The following PCCA variants were observed in gnomAD, a reference collection of about 807,000 sequenced individuals.
The protein encoded by PCCA is propionyl-CoA carboxylase alpha chain, mitochondrial.
Under a neutral mutation model 101.3 loss-of-function variants are expected in PCCA, and 74 were observed. The ratio of observed to expected loss-of-function variants is 0.73; its 90% CI spans 0.61 to 0.89. The LOEUF is 0.89. Ranked by LOEUF, PCCA falls within the 40% of genes least tolerant of loss-of-function variation. The probability of loss-of-function intolerance (pLI) is 0.00; values close to 1 mark genes in which losing one functional copy is unlikely to be tolerated. For missense variants in PCCA, 891 were observed against 907.0 expected (o/e 0.98, Z 0.23); for synonymous variants, 294 against 313.6 (o/e 0.94, Z 0.66).
rs777777952 is a variant in PCCA at position 100,273,292 on chromosome 13, C to T, written c.1011C>T (p.Phe337=). The T allele has an allele frequency of 6.2e-7, 1 of 1,612,270 alleles. No individual in the cohort carries two copies. The highest frequency in any genetic ancestry group is 1.1e-5 in the South Asian group (1 of 91,042). Residue 337 remains phenylalanine, a synonymous_variant, in exon 12 of 24, where the codon TTC becomes TTT. Coordinates refer to ENST00000376285, the MANE Select transcript of PCCA (RefSeq NM_000282.4). ...ATTCCTCTGCTGGGACCGTGGAGTTCCTTGTGGACTCTAAGAAGAATTTTT... is the reference window on the plus strand; with the variant it reads ...ATTCCTCTGCTGGGACCGTGGAGTTTCTTGTGGACTCTAAGAAGAATTTTT... ...VKYSSAGTVE[F]LVDSKKNFYF...
intron 12 of PCCA, among the ~76,000 whole-genome samples, chr13:100,287,059 C>T (rs964960474): frequency 1.3e-5 from 2 of 151,970 alleles, no homozygotes; most frequent in Non-Finnish European, 2.9e-5. Context: ...TTTTATTTTC[C>T]AATGGCTACC....
At chr13:100,201,857 CAAAAAAAAAAAAAA>C (rs55669622) in intron 6 of PCCA, among the ~76,000 whole-genome samples, 1 of 60,744 alleles carries the variant, frequency 1.6e-5, no homozygotes, top group Admixed American at 2.8e-4. Flanking sequence ...AACTGCGTCT[CAAAAAAAAAAAAAA>C]AAAAAAAAAA....
At chr13:100,110,226 C>T (rs2048187181) in intron 2 of PCCA, among the ~76,000 whole-genome samples, 1 of 152,182 alleles carries the variant, frequency 6.6e-6, no homozygotes, top group Non-Finnish European at 1.5e-5. Flanking sequence ...AGAAATATAA[C>T]TGACACTTTT....
At chr13:100,469,211 C>CAAAAAAAAAACAAAAAAAAAAAA (rs2082776393) in intron 21 of PCCA, among the ~76,000 whole-genome samples, 1 of 65,064 alleles carries the variant, frequency 1.5e-5, no homozygotes, top group Non-Finnish European at 3.0e-5. Context: ...AACTCCGTCT[C>CAAAAAAAAAACAAAAAAAAAAAA]AAAAAAAAAA....
At chr13:100,481,552 T>G (rs2083933406) in intron 21 of PCCA, among the ~76,000 whole-genome samples, 2 of 152,026 alleles carry the variant, frequency 1.3e-5, no homozygotes, top group African/African-American at 4.8e-5. Context: ...AGCCAGCCTC[T>G]GTCTCAAAAA....
At chr13:100,386,933 TA>T (rs534194687) in intron 19 of PCCA, among the ~76,000 whole-genome samples, 1 of 152,094 alleles carries the variant, frequency 6.6e-6, no homozygotes, top group Non-Finnish European at 1.5e-5. Context: ...CTATTTTTTT[TA>T]AAAAACATTT....
chr13:100,187,557 G>A (rs2057385427), intron 6 of PCCA, among the ~76,000 whole-genome samples: 1 of 151,984 alleles, frequency 6.6e-6, no homozygotes, highest in South Asian at 2.1e-4. Context: ...TTTAAATTTG[G>A]ATATTTACAC....
Position 100,352,725 on chromosome 13 carries a change from A to G in PCCA, c.1643+12466A>G, listed in dbSNP as rs556380462. ...TGTATTTTTTTTTTCTTCCAGAGACAGGGTCTTGCTCTGTCACCCAGGCTA... is the reference window on the plus strand; with the variant it reads ...TGTATTTTTTTTTTCTTCCAGAGACGGGGTCTTGCTCTGTCACCCAGGCTA... On this transcript the variant is annotated intron_variant, in intron 18 of 23. Coordinates refer to ENST00000376285, the MANE Select transcript of PCCA (RefSeq NM_000282.4). 2.0e-5 allele frequency among the ~76,000 whole-genome samples: 3 copies of G among 151,708 alleles called. No homozygotes were observed. The East Asian group carries it at 5.8e-4, about 29-fold the overall frequency.
At chr13:100,471,829 G>A (rs976362293) in intron 21 of PCCA, among the ~76,000 whole-genome samples, 7 of 152,156 alleles carry the variant, frequency 4.6e-5, no homozygotes, top group Non-Finnish European at 8.8e-5. Context: ...GGTGCTTCTC[G>A]TGTGCAGGCC....
At chr13:100,444,025 C>T (rs1307338406) in intron 20 of PCCA, among the ~76,000 whole-genome samples, 1 of 152,118 alleles carries the variant, frequency 6.6e-6, no homozygotes, top group Non-Finnish European at 1.5e-5. Context: ...TATGAGCTCT[C>T]TTTGTACAAG....
At chr13:100,095,311 C>T (rs943412099) in intron 1 of PCCA, among the ~76,000 whole-genome samples, 1 of 152,148 alleles carries the variant, frequency 6.6e-6, no homozygotes, top group Non-Finnish European at 1.5e-5. Flanking sequence ...GGTTCCAGGA[C>T]GTGGACACAT....
intron 23 of PCCA, among the ~76,000 whole-genome samples, 187 bp downstream of exon 23, chr13:100,527,939 C>CG (rs940466424): frequency 6.6e-6 from 1 of 152,170 alleles, no homozygotes; most frequent in Non-Finnish European, 1.5e-5. Flanking sequence ...TCGTAGAGAG[C>CG]GTGGCTTCCA....
chr13:100,517,816 G>A (rs913904272), intron 22 of PCCA, among the ~76,000 whole-genome samples: 1 of 152,014 alleles, frequency 6.6e-6, no homozygotes, highest in African/African-American at 2.4e-5. Flanking sequence ...CACTAATACC[G>A]AAACCCAATG....
chr13:100,183,156 G>A (rs928993508), intron 6 of PCCA, among the ~76,000 whole-genome samples: 56 of 152,132 alleles, frequency 3.7e-4, no homozygotes, highest in Non-Finnish European at 5.0e-4. Flanking sequence ...GCATGCGTGT[G>A]TACGAAGGAT....
At chr13:100,299,036 G>T (rs1467296442) in intron 12 of PCCA, among the ~76,000 whole-genome samples, 1 of 152,076 alleles carries the variant, frequency 6.6e-6, no homozygotes, top group Non-Finnish European at 1.5e-5. Flanking sequence ...CTGGAAAATT[G>T]AAGCAAGTTA....
intron 19 of PCCA, among the ~76,000 whole-genome samples, chr13:100,411,894 A>G (rs1027596231): frequency 9.2e-5 from 14 of 152,176 alleles, no homozygotes; most frequent in African/African-American, 3.1e-4. Context: ...CTTTTATCAT[A>G]TGAATTTTGA....
At chr13:100,333,906 A>C (rs2070026018) in intron 17 of PCCA, among the ~76,000 whole-genome samples, 1 of 152,234 alleles carries the variant, frequency 6.6e-6, no homozygotes. Flanking sequence ...TTCAATCATT[A>C]AAGTCATTCA....
intron 4 of PCCA, among the ~76,000 whole-genome samples, chr13:100,131,777 A>T (rs1410648467): frequency 6.6e-6 from 1 of 152,186 alleles, no homozygotes; most frequent in Admixed American, 6.5e-5. Context: ...TTATGTGAAG[A>T]TGCTCCACAT....
At chr13:100,444,853 C>G (rs548469139) in intron 20 of PCCA, among the ~76,000 whole-genome samples, 5 of 132,312 alleles carry the variant, frequency 3.8e-5, no homozygotes, top group East Asian at 2.2e-4. Flanking sequence ...TGGAAAATTC[C>G]TGCTCATTTT....
Sources: gnomAD v4.1 joint callset for allele counts (sites outside exome capture counted in the v4.1 genomes callset) on GRCh38, gnomAD v4.1.1 for gene constraint, MANE v1.5 for transcripts, NCBI Gene and HGNC (gene_info 2026-07-23, HGNC 2026-07-21) for gene names.